QRICH2: variants seen among roughly 807,000 people sequenced by gnomAD.
The protein encoded by QRICH2 is glutamine rich 2.
A neutral mutation model predicts 168.3 loss-of-function variants in QRICH2; 119 were observed. That is an observed-to-expected ratio of 0.71 (90% CI 0.61 to 0.82). The LOEUF (loss-of-function observed/expected upper bound fraction) is 0.82. Ranked by LOEUF, QRICH2 falls within the 40% of genes least tolerant of loss-of-function variation. QRICH2 has a pLI of 0.00. For synonymous variants in QRICH2, 894 were observed against 951.2 expected (o/e 0.94, Z 1.11); for missense variants, 2,241 against 2,491.6 (o/e 0.90, Z 2.14).
intron 18 of QRICH2, among the ~76,000 whole-genome samples, chr17:76,275,385 C>T (rs73350376): frequency 0.12 from 18,075 of 152,156 alleles, 2,746 homozygotes; most frequent in African/African-American, 0.36. Flanking sequence ...TTAGCTCCTG[C>T]GGAGATCAAG....
intron 18 of QRICH2, 54 bp from the exon 19 acceptor site, chr17:76,274,314 G>A: frequency 1.9e-6 from 3 of 1,542,258 alleles, no homozygotes; most frequent in Non-Finnish European, 2.6e-6. Flanking sequence ...CCCACCAGGG[G>A]TCACCCCAGC....
Position 76,274,096 on chromosome 17 carries a change from ACCGCGGCCC to A in QRICH2, c.5638_5646del (p.Gly1880_Arg1882del). Reference sequence around the variant, plus strand: ...ACCTCCGCTCACTGAGCGGTGCTGGACCGCGGCCCCCGCGTGGGCTCCTCGAGCCCCTCC... The same window carrying A: ...ACCTCCGCTCACTGAGCGGTGCTGGACCGCGTGGGCTCCTCGAGCCCCTCC... On this transcript the variant is annotated inframe_deletion, in exon 19 of 19. Transcript: ENST00000680821. 6.3e-7 allele frequency: 1 copy of A among 1,580,108 alleles called. No homozygotes were observed. The highest frequency in any genetic ancestry group is 8.6e-7 in the Non-Finnish European group (1 of 1,168,064).
chr17:76,308,366 C>T, upstream of QRICH2: 1 of 985,432 alleles, frequency 1.0e-6, no homozygotes, highest in South Asian at 4.7e-5. Flanking sequence ...TAAAGGCCAC[C>T]ACAAGGATCA....
In QRICH2 at chr17:76,304,399, GC is replaced by G. The variant is rs1261609722; in HGVS notation, c.705+15del. 7.6e-6 allele frequency: 12 copies of G among 1,574,296 alleles called. No homozygotes were observed. The highest frequency in any genetic ancestry group is 4.5e-5 in the East Asian group (2 of 44,718). ...AGCCCCACCCAAGACCACGGCCCAG[GC>G]CCCCACTGGTTCACCGCTTGTGAGG... On this transcript the variant is annotated intron_variant, in intron 3 of 18. Transcript: ENST00000680821.
chr17:76,286,583 C>T (rs973544802), intron 7 of QRICH2, among the ~76,000 whole-genome samples: 1 of 152,040 alleles, frequency 6.6e-6, no homozygotes, highest in African/African-American at 2.4e-5. Flanking sequence ...GTGATAGTTG[C>T]ACAACTTTGT....
At position 76,278,077 on chromosome 17, in the gene QRICH2, T is replaced by C. The variant is rs780158707; in HGVS notation, c.5029A>G (p.Ile1677Val). ...KMLMNIEKVQ[I>V]HFGGSTKASS... ...GCCTTGGTGGAGCCCCCGAAGTGGA[T>C]CTGCACCTTCTCAATGTTCATCAGC... is the stretch of plus-strand genomic sequence containing the variant. The change falls in exon 15 of 19, where the codon ATC becomes GTC. Residue 1677 changes from isoleucine (I) to valine (V), a missense_variant. Ile to Val is a conservative substitution (Grantham distance 29). Transcript: ENST00000680821. The C allele has an allele frequency of 6.2e-7, 1 of 1,613,928 alleles. No individual in the cohort carries two copies. Among genetic ancestry groups the C allele is most frequent in the South Asian group, 1.1e-5 (1 of 91,092 alleles).
chr17:76,277,995 T>G lies in QRICH2; in HGVS notation c.5111A>C (p.Tyr1704Ser). Residue 1704 changes from tyrosine to serine, a missense_variant, in exon 15 of 19, where the codon TAC (tyrosine) becomes TCC (serine). By Grantham distance (144) the Tyr-to-Ser change is moderately radical. Around this residue, in one of 3 missense-constraint regions of QRICH2, gnomAD observed 2,047 missense variants for 2,303.8 expected, o/e 0.89. Transcript: ENST00000680821. ...TCGCCCGCCTCTCCTGTACCGTTTG[T>G]AGCAGGGGGAGCCCAGGCACTGGGC... ...LHAQCLGSPC[Y>S]KRVTDMADYT... The G allele has an allele frequency of 6.2e-7, 1 of 1,611,430 alleles. No individual in the cohort carries two copies. Among genetic ancestry groups the G allele is most frequent in the Non-Finnish European group, 8.5e-7 (1 of 1,179,992 alleles).
At chr17:76,276,851 A>G in intron 16 of QRICH2, 84 bp from the exon 17 acceptor site, 2 of 1,113,630 alleles carry the variant, frequency 1.8e-6, no homozygotes, top group Non-Finnish European at 2.6e-6. Flanking sequence ...GGCACAGAGC[A>G]CTGTGGTCTC....
upstream of QRICH2, chr17:76,309,932 A>G (rs903546118): frequency 7.2e-5 from 11 of 151,992 alleles, no homozygotes; most frequent in African/African-American, 2.7e-4. Context: ...TTATATTCCA[A>G]TAACTTGGGA....
intron 18 of QRICH2, 83 bp downstream of exon 18, chr17:76,275,736 T>C: frequency 1.3e-6 from 2 of 1,516,946 alleles, no homozygotes; most frequent in Non-Finnish European, 1.8e-6. Context: ...TCCGGGGAGA[T>C]AAAGGCCCTA....
intron 3 of QRICH2, among the ~76,000 whole-genome samples, chr17:76,302,355 T>C (rs2070919980): frequency 8.2e-6 from 1 of 121,354 alleles, no homozygotes; most frequent in Non-Finnish European, 1.6e-5. Flanking sequence ...GACTTCAAGG[T>C]GTTTGTTCTG....
chr17:76,279,422 G>T lies in QRICH2; in HGVS notation c.4755C>A (p.Leu1585=). The change falls in exon 13 of 19, where the codon CTC becomes CTA. Residue 1585 remains leucine, a synonymous_variant. Coordinates refer to ENST00000680821, the MANE Select transcript of QRICH2 (RefSeq NM_001388453.1). ...ADEAAAMRRQ[L]LAHFHCLSCD... ...ATGAGAGGCAGTGGAAATGTGCCAGGAGCTGCCTGTTAGGAATGGGACGCA... is the reference window on the plus strand; with the variant it reads ...ATGAGAGGCAGTGGAAATGTGCCAGTAGCTGCCTGTTAGGAATGGGACGCA... 1 of 1,611,212 alleles carries T rather than the reference G, an allele frequency of 6.2e-7. No individual in the cohort carries two copies. The highest frequency in any genetic ancestry group is 8.5e-7 in the Non-Finnish European group (1 of 1,178,724).
intron 3 of QRICH2, 90 bp from the exon 4 acceptor site, chr17:76,294,111 T>G (rs879282581): frequency 2.2e-5 from 33 of 1,480,766 alleles, no homozygotes; most frequent in Non-Finnish European, 2.9e-5. Context: ...CTGACTAGGA[T>G]GATTTAGGGC....
rs528052266 is a variant in QRICH2 at position 76,279,995 on chromosome 17, G to A, written c.4748+38C>T. On this transcript the variant is annotated intron_variant, in intron 12 of 18. Transcript: ENST00000680821. The stretch of plus-strand genomic sequence containing the variant: ...GCCCCCTCTGCCCTCACCCCCTGAA[G>A]AGCGTGCCAGCCTCCTCCCCTGCCT... 1.5e-4 allele frequency: 228 copies of A among 1,568,572 alleles called. No homozygotes were observed. In the African/African-American group the frequency reaches 2.5e-3, roughly 17 times the overall value.
chr17:76,276,464 C>T (rs2070681379), intron 17 of QRICH2, among the ~76,000 whole-genome samples: 1 of 152,232 alleles, frequency 6.6e-6, no homozygotes, highest in Admixed American at 6.5e-5. Flanking sequence ...AACACGGGGC[C>T]ACCCCATCCC....
chr17:76,291,615 G>T lies in QRICH2; in HGVS notation c.3112C>A (p.Arg1038=). 1 of 1,614,104 alleles carries T rather than the reference G, an allele frequency of 6.2e-7. No homozygotes were observed. The highest frequency in any genetic ancestry group is 8.5e-7 in the Non-Finnish European group (1 of 1,180,014). ...SQGLASPGID[R]RSLVPPETYQ... ...GTTTCTGGTGGTACCAAACTCCTTCGATCTATACCAGGTGATGCCAAACCT... is the reference window on the plus strand; with the variant it reads ...GTTTCTGGTGGTACCAAACTCCTTCTATCTATACCAGGTGATGCCAAACCT... The change falls in exon 4 of 19, where the codon CGA becomes AGA. Residue 1038 remains arginine, a synonymous_variant. Transcript: ENST00000680821.
intron 7 of QRICH2, among the ~76,000 whole-genome samples, chr17:76,285,974 C>A (rs1484151429): frequency 6.6e-6 from 1 of 152,062 alleles, no homozygotes; most frequent in Non-Finnish European, 1.5e-5. Flanking sequence ...AGATTGAGAC[C>A]ATCCTGGCTA....
At chr17:76,275,999 T>G in intron 17 of QRICH2, 52 bp from the exon 18 acceptor site, 1 of 1,587,536 alleles carries the variant, frequency 6.3e-7, no homozygotes, top group Non-Finnish European at 8.5e-7. Context: ...GTGAGAGCTC[T>G]GTGGGAACCC....
intron 3 of QRICH2, 60 bp downstream of exon 3, chr17:76,304,355 A>G: frequency 9.4e-7 from 1 of 1,061,410 alleles, no homozygotes; most frequent in Middle Eastern, 2.3e-4. Flanking sequence ...GCAGCTGTAC[A>G]AAGCGAGAAG....
Sources: allele counts gnomAD v4.1 joint callset (sites outside exome capture counted in the v4.1 genomes callset), GRCh38; gene constraint gnomAD v4.1.1; regional missense constraint gnomAD v4.1.1; transcripts MANE v1.5; gene names NCBI Gene and HGNC (gene_info 2026-07-23, HGNC 2026-07-21).